Variants in SP4 observed in about 807,000 individuals in gnomAD.
The protein encoded by SP4 is Sp4 transcription factor.
In SP4, 19 loss-of-function variants were observed where a neutral mutation model predicts 72.8. That is an observed-to-expected ratio of 0.26 (90% CI 0.18 to 0.38). The LOEUF (loss-of-function observed/expected upper bound fraction) is 0.38. Among genes scored for constraint, SP4 ranks in the 10% least tolerant of loss-of-function variants. The pLI, the probability that SP4 is intolerant of heterozygous loss-of-function variation, is 1.00. For missense variants in SP4, 1,008 were observed against 926.3 expected, an observed-to-expected ratio of 1.09 and a Z score of -1.14; for synonymous variants, 395 against 333.1, an observed-to-expected ratio of 1.19 and a Z score of -2.02.
At chr7:21,448,281 A>G (rs570180411) in intron 3 of SP4, among the ~76,000 whole-genome samples, 1 of 150,404 alleles carries the variant, frequency 6.6e-6, no homozygotes, top group South Asian at 2.1e-4. Context: ...TAAAAAAGAA[A>G]ATTGTGCTTT....
Position 21,465,089 on chromosome 7 carries a change from CAACAT to C in SP4, c.1679-11987_1679-11983del, listed in dbSNP as rs141027183. 8.0e-3 allele frequency among the ~76,000 whole-genome samples: 1,216 copies of C among 152,220 alleles called. 6 individuals are homozygous for C. Among genetic ancestry groups the C allele is most frequent in the Non-Finnish European group, 0.013 (860 of 68,006 alleles). On this transcript the variant is annotated intron_variant, in intron 3 of 5. Coordinates refer to ENST00000222584, the MANE Select transcript of SP4 (RefSeq NM_003112.5). ...GTTTTCCGGCTAGGAAGGATTTCCT[CAACAT>C]AAACAGAGTTGAGAATAGTTGACAG...
At chr7:21,476,255 C>CA (rs2128409148) in intron 3 of SP4, among the ~76,000 whole-genome samples, 1 of 113,632 alleles carries the variant, frequency 8.8e-6, no homozygotes, top group African/African-American at 3.6e-5. Context: ...GCCTGGGCGA[C>CA]AGAGCAAGAC....
At chr7:21,509,055 G>C (rs1285173542) in intron 5 of SP4, among the ~76,000 whole-genome samples, 3 of 151,780 alleles carry the variant, frequency 2.0e-5, no homozygotes, top group Non-Finnish European at 2.9e-5. Flanking sequence ...TTTTCTTCCA[G>C]TGATTGTACC....
At chr7:21,482,232 G>A (rs1160547262) in intron 5 of SP4, 109 bp downstream of exon 5, 4 of 801,206 alleles carry the variant, frequency 5.0e-6, no homozygotes, top group Admixed American at 2.5e-5. Flanking sequence ...GAAGGAGAAG[G>A]CATTTACTTT....
intron 3 of SP4, among the ~76,000 whole-genome samples, chr7:21,435,845 G>A (rs1417486471): frequency 1.4e-5 from 2 of 144,290 alleles, no homozygotes; most frequent in Non-Finnish European, 1.5e-5. Flanking sequence ...TTGTAAAAGG[G>A]CATTTTTTTT....
intron 3 of SP4, among the ~76,000 whole-genome samples, chr7:21,461,071 T>A (rs994199457): frequency 1.3e-5 from 2 of 152,158 alleles, no homozygotes; most frequent in Admixed American, 6.5e-5. Flanking sequence ...GTATTTACAA[T>A]CCCCTAGCTA....
At chr7:21,454,867 G>T (rs1025413231) in intron 3 of SP4, among the ~76,000 whole-genome samples, 1 of 152,204 alleles carries the variant, frequency 6.6e-6, no homozygotes, top group Non-Finnish European at 1.5e-5. Context: ...AAAAGGGTGT[G>T]AATCTTTTCT....
chr7:21,443,259 A>G (rs28386988), intron 3 of SP4, among the ~76,000 whole-genome samples: 27,960 of 152,152 alleles, frequency 0.18, 4,367 homozygotes, highest in East Asian at 0.63. Flanking sequence ...CTTTGATTTC[A>G]TAGGAGAATG....
At chr7:21,479,638 A>C (rs1002416678) in intron 4 of SP4, among the ~76,000 whole-genome samples, 1 of 152,208 alleles carries the variant, frequency 6.6e-6, no homozygotes, top group African/African-American at 2.4e-5. Flanking sequence ...TGTGAATTTT[A>C]GAATCAGTTT....
intron 5 of SP4, among the ~76,000 whole-genome samples, chr7:21,487,404 T>G (rs1278548488): frequency 7.2e-6 from 1 of 138,168 alleles, no homozygotes; most frequent in Non-Finnish European, 1.5e-5. Flanking sequence ...TTTTGGAATC[T>G]CTAGGGTTTT....
intron 3 of SP4, among the ~76,000 whole-genome samples, chr7:21,462,934 C>T (rs773970281): frequency 7.2e-5 from 11 of 152,102 alleles, no homozygotes; most frequent in Admixed American, 2.6e-4. Context: ...ATATGAAAGC[C>T]GTTGGTCACA....
At chr7:21,467,497 A>G (rs1305757283) in intron 3 of SP4, among the ~76,000 whole-genome samples, 1 of 152,146 alleles carries the variant, frequency 6.6e-6, no homozygotes, top group Non-Finnish European at 1.5e-5. Flanking sequence ...AACCCTTATT[A>G]GCAGTCATTC....
At chr7:21,464,762 A>G (rs1312031446) in intron 3 of SP4, among the ~76,000 whole-genome samples, 1 of 152,106 alleles carries the variant, frequency 6.6e-6, no homozygotes, top group Non-Finnish European at 1.5e-5. Flanking sequence ...TCAAGTTATA[A>G]AAACTGTCAA....
At position 21,446,455 on chromosome 7, in the gene SP4, A is replaced by G. The variant is rs1783430070; in HGVS notation, c.1678+15612A>G. ...GTAACTATGACATATTTAAAAAAAA[A>G]AAGAGCTCTGTGCTAGGTAGCAGTT... is the stretch of plus-strand genomic sequence containing the variant. On this transcript the variant is annotated intron_variant, in intron 3 of 5. Coordinates refer to ENST00000222584, the MANE Select transcript of SP4 (RefSeq NM_003112.5). 2.6e-5 allele frequency among the ~76,000 whole-genome samples: 4 copies of G among 152,178 alleles called. No individual in the cohort carries two copies. In the South Asian group the frequency reaches 6.2e-4, roughly 24 times the overall value.
At chr7:21,487,949 C>T (rs1784865596) in intron 5 of SP4, among the ~76,000 whole-genome samples, 2 of 152,214 alleles carry the variant, frequency 1.3e-5, no homozygotes, top group Non-Finnish European at 1.5e-5. Flanking sequence ...CAACCTCCTC[C>T]ACCTCCCAGG....
At chr7:21,459,280 C>T (rs1160235733) in intron 3 of SP4, among the ~76,000 whole-genome samples, 4 of 152,224 alleles carry the variant, frequency 2.6e-5, no homozygotes, top group African/African-American at 9.6e-5. Context: ...CTACCACGCC[C>T]GGCTAACTTT....
In SP4 at chr7:21,429,277, C is replaced by T; in HGVS notation, c.124-12C>T. On this transcript the variant is annotated splice_polypyrimidine_tract_variant and intron_variant, in intron 2 of 5. Coordinates refer to ENST00000222584, the MANE Select transcript of SP4 (RefSeq NM_003112.5). Reference sequence around the variant, plus strand: ...CCCCCCCCCCTCTCCTTTACCGTCCCATTTTGGGTAGGACTCTCAGCCCTC... The same window carrying T: ...CCCCCCCCCCTCTCCTTTACCGTCCTATTTTGGGTAGGACTCTCAGCCCTC... 6.8e-7 allele frequency: 1 copy of T among 1,479,718 alleles called. No homozygotes were observed. The highest frequency in any genetic ancestry group is 9.3e-7 in the Non-Finnish European group (1 of 1,076,064). The allele number at this position is 1,479,718 out of a possible 1,614,324, so 91.7% of individuals were successfully genotyped here.
chr7:21,463,323 C>T (rs898816760), intron 3 of SP4, among the ~76,000 whole-genome samples: 1 of 152,078 alleles, frequency 6.6e-6, no homozygotes, highest in African/African-American at 2.4e-5. Context: ...CAATGAAGGG[C>T]TATGTACATT....
chr7:21,464,963 A>G (rs1784123062), intron 3 of SP4, among the ~76,000 whole-genome samples: 1 of 152,232 alleles, frequency 6.6e-6, no homozygotes, highest in African/African-American at 2.4e-5. Flanking sequence ...AACTTAGGCA[A>G]GTATGGTTCA....
Sources: allele counts gnomAD v4.1 joint callset (sites outside exome capture counted in the v4.1 genomes callset), GRCh38; gene constraint gnomAD v4.1.1; transcripts MANE v1.5; gene names NCBI Gene and HGNC (gene_info 2026-07-23, HGNC 2026-07-21).